Variants in KIF23 observed in about 807,000 individuals in gnomAD.
KIF23 encodes the protein kinesin family member 23.
In KIF23, 30 loss-of-function variants were observed where a neutral mutation model predicts 137.5. That is an observed-to-expected ratio of 0.22 (90% CI 0.16 to 0.30). KIF23 has a LOEUF of 0.30. Among genes scored for constraint, KIF23 ranks in the 10% least tolerant of loss-of-function variants. The pLI, the probability that KIF23 is intolerant of heterozygous loss-of-function variation, is 1.00. For synonymous variants in KIF23, 367 were observed against 391.1 expected (o/e 0.94, Z 0.73); for missense variants, 920 against 1,194.3 (o/e 0.77, Z 3.38).
At chr15:69,443,204 T>C (rs2057662410) in intron 19 of KIF23, among the ~76,000 whole-genome samples, 2 of 152,156 alleles carry the variant, frequency 1.3e-5, no homozygotes, top group Non-Finnish European at 2.9e-5. Context: ...GTTAACTATA[T>C]AGCGAAAATG....
At chr15:69,430,619 G>T (rs927528016) in intron 11 of KIF23, among the ~76,000 whole-genome samples, 1 of 152,220 alleles carries the variant, frequency 6.6e-6, no homozygotes, top group Non-Finnish European at 1.5e-5. Flanking sequence ...CCAGGAGGCA[G>T]TTGCTTGGTC....
chr15:69,438,459 C>T (rs751536543), intron 16 of KIF23, 54 bp downstream of exon 16: 46 of 1,489,202 alleles, frequency 3.1e-5, no homozygotes, highest in Non-Finnish European at 4.0e-5. Flanking sequence ...TAGCACTGTT[C>T]TCTGAGGGAG....
chr15:69,415,110 G>A (rs2056865702), intron 1 of KIF23: 1 of 152,184 alleles, frequency 6.6e-6, no homozygotes, highest in African/African-American at 2.4e-5. Context: ...TCATTCCTGG[G>A]TAAAGAAATA....
At chr15:69,436,785 C>A in intron 15 of KIF23, 63 bp downstream of exon 15, 6 of 1,089,390 alleles carry the variant, frequency 5.5e-6, no homozygotes, top group Non-Finnish European at 7.4e-6. Flanking sequence ...GACATAGTTT[C>A]ACTCTGTACC....
intron 3 of KIF23, among the ~76,000 whole-genome samples, chr15:69,420,814 A>C (rs1275914386): frequency 6.6e-6 from 1 of 151,974 alleles, no homozygotes; most frequent in African/African-American, 2.4e-5. Context: ...ATTTTTTATT[A>C]GATGAGCTTG....
At chr15:69,416,837 C>T (rs1007109049) in intron 2 of KIF23, among the ~76,000 whole-genome samples, 12 of 152,224 alleles carry the variant, frequency 7.9e-5, no homozygotes, top group Admixed American at 6.5e-4. Flanking sequence ...TGCCTGTAAT[C>T]CCAGCTACTC....
rs908945238 is a variant in KIF23, at chr15:69,446,319, C to A, written c.2793C>A (p.Ala931=). ...GAAGATCTTCCACAGTAGCACCTGCCCAACCAGATGGTGCAGAGTCTGAAT... is the reference window on the plus strand; with the variant it reads ...GAAGATCTTCCACAGTAGCACCTGCACAACCAGATGGTGCAGAGTCTGAAT... ...RKRRSSTVAP[A]QPDGAESEWT... is the part of the protein sequence containing the mutation. Residue 931 remains alanine (A), a synonymous_variant, in exon 22 of 24, where the codon GCC becomes GCA. Transcript: ENST00000679126. The A allele has an allele frequency of 2.5e-6, 4 of 1,613,944 alleles. No individual in the cohort carries two copies. In the African/African-American group the frequency reaches 5.3e-5, roughly 22 times the overall value.
At position 69,426,501 on chromosome 15, in the gene KIF23, C is replaced by A. The variant is rs771444732; in HGVS notation, c.1011+44C>A. 1.4e-5 allele frequency: 22 copies of A among 1,592,978 alleles called. No homozygotes were observed. The South Asian group carries it at 2.4e-4, about 17-fold the overall frequency. On this transcript the variant is annotated intron_variant, in intron 10 of 23. Coordinates refer to ENST00000679126, the MANE Select transcript of KIF23 (RefSeq NM_001367805.3). The stretch of plus-strand genomic sequence containing the variant: ...GAGTTTTTCTGGTTCTAACTCTATC[C>A]TTAATTTTTGGAATTAGAGTAATCC...
intron 19 of KIF23, among the ~76,000 whole-genome samples, chr15:69,441,644 C>T (rs1567079051): frequency 6.6e-6 from 1 of 152,114 alleles, no homozygotes; most frequent in Non-Finnish European, 1.5e-5. Context: ...CTTAGAGACA[C>T]TTAATCTCTA....
At chr15:69,428,660 C>CAAAAAAAAAAAA (rs59950355) in intron 10 of KIF23, among the ~76,000 whole-genome samples, 4 of 74,038 alleles carry the variant, frequency 5.4e-5, no homozygotes, top group African/African-American at 2.3e-4. Flanking sequence ...CTCTGTCTCC[C>CAAAAAAAAAAAA]AAAAAAAAAA....
In KIF23 at chr15:69,414,404, C is replaced by A. The variant is rs745973402; in HGVS notation, c.-62C>A. 6 of 1,560,694 alleles carry A rather than the reference C, an allele frequency of 3.8e-6. No individual in the cohort carries two copies. In the East Asian group the frequency reaches 1.4e-4, roughly 37 times the overall value. ...TAGTTCTTGCTGCCGGTCCTAACGT[C>A]CCGCAGTCTTCGCCAGCCAGCCGTC... On this transcript the variant is annotated 5_prime_UTR_variant, in exon 1 of 24. Coordinates refer to ENST00000679126, the MANE Select transcript of KIF23 (RefSeq NM_001367805.3).
chr15:69,427,743 T>A (rs1216761373), intron 10 of KIF23, among the ~76,000 whole-genome samples: 4 of 152,184 alleles, frequency 2.6e-5, no homozygotes, highest in Admixed American at 6.5e-5. Flanking sequence ...AAAGTGTAAT[T>A]TTATTCAAAC....
chr15:69,426,538 C>T, intron 10 of KIF23, 81 bp downstream of exon 10: 1 of 1,477,640 alleles, frequency 6.8e-7, no homozygotes, highest in Non-Finnish European at 9.3e-7. Context: ...GCCAACATGG[C>T]AAAAACCTGT....
rs1056759155 is a variant in KIF23, at chr15:69,421,814, T to C, written c.316+62T>C. On this transcript the variant is annotated intron_variant, in intron 4 of 23. Transcript: ENST00000679126. ...TTTTTCTCCTCTTCTGATAAAACTT[T>C]TTTGATATTTATATATTTGATTTAT... is the stretch of plus-strand genomic sequence containing the variant. 5.2e-6 allele frequency: 7 copies of C among 1,350,222 alleles called. No homozygotes were observed. The African/African-American group carries it at 7.3e-5, about 14-fold the overall frequency. The allele number at this position is 1,350,222 out of a possible 1,614,324, so 83.6% of individuals were successfully genotyped here. A position where few individuals can be genotyped will look rare whatever the true frequency, so the allele number is the denominator to read the frequency against.
At chr15:69,446,700 T>C in intron 22 of KIF23, 171 bp from the exon 23 acceptor site, 1 of 688,796 alleles carries the variant, frequency 1.5e-6, no homozygotes, top group Admixed American at 2.2e-5. Context: ...TCACAACATT[T>C]GTGGCCTGTG....
chr15:69,419,465 A>C (rs906362640), intron 3 of KIF23, among the ~76,000 whole-genome samples: 36 of 152,182 alleles, frequency 2.4e-4, no homozygotes, highest in Non-Finnish European at 1.0e-4. Context: ...GATAAGGCAG[A>C]ATCCTGGCTG....
chr15:69,419,382 C>G (rs538373238), intron 3 of KIF23, among the ~76,000 whole-genome samples: 1 of 152,348 alleles, frequency 6.6e-6, no homozygotes, highest in Non-Finnish European at 1.5e-5. Context: ...CAAAATCCTG[C>G]TTCATCCGTC....
chr15:69,429,230 A>G lies in KIF23; in HGVS notation c.1114+17A>G, dbSNP rs2057289931. ...GTGAAGCTGGTGAGTAAAGCATGGTATTTATTTATTGCTACAACTTTCAGA... is the reference window on the plus strand; with the variant it reads ...GTGAAGCTGGTGAGTAAAGCATGGTGTTTATTTATTGCTACAACTTTCAGA... On this transcript the variant is annotated intron_variant, in intron 11 of 23. Transcript: ENST00000679126. 1.9e-6 allele frequency: 3 copies of G among 1,542,124 alleles called. No individual in the cohort carries two copies. The highest frequency in any genetic ancestry group is 2.7e-6 in the Non-Finnish European group (3 of 1,124,472).
intron 13 of KIF23, 135 bp downstream of exon 13, chr15:69,435,906 G>C (rs563910828): frequency 7.7e-7 from 1 of 1,290,970 alleles, no homozygotes; most frequent in Admixed American, 2.4e-5. Flanking sequence ...ACTAGGCTTG[G>C]TGTGGTGGCT....
Sources: allele counts gnomAD v4.1 joint callset (sites outside exome capture counted in the v4.1 genomes callset), GRCh38; gene constraint gnomAD v4.1.1; transcripts MANE v1.5; gene names NCBI Gene and HGNC (gene_info 2026-07-23, HGNC 2026-07-21).